Variants in DNM2 observed in about 807,000 individuals in gnomAD.
DNM2 encodes dynamin-2.
Under a neutral mutation model 99.0 loss-of-function variants are expected in DNM2, and 15 were observed. That is an observed-to-expected ratio of 0.15 (90% CI 0.10 to 0.23). The LOEUF (loss-of-function observed/expected upper bound fraction) is 0.23. DNM2 is among the 10% of genes least tolerant of loss of function. DNM2 has a pLI of 1.00. For missense variants in DNM2, 742 were observed against 1,189.4 expected, an observed-to-expected ratio of 0.62 and a Z score of 5.53; for synonymous variants, 525 against 481.2, an observed-to-expected ratio of 1.09 and a Z score of -1.19.
In DNM2 at chr19:10,793,856, G is replaced by T; in HGVS notation, c.1128+1G>T. On this transcript the variant is annotated splice_donor_variant, in intron 8 of 20. Coordinates refer to ENST00000389253, the MANE Select transcript of DNM2 (RefSeq NM_001005361.3). LOFTEE classifies it high-confidence loss of function. ...GCGGTTCCCATTTGAGCTGGTGAAG[G>T]TAGTGCCCCCCGGGGCTGGGCCCTC... 1 of 1,614,124 alleles carries T rather than the reference G, an allele frequency of 6.2e-7. No homozygotes were observed. Among genetic ancestry groups the T allele is most frequent in the Non-Finnish European group, 8.5e-7 (1 of 1,180,016 alleles).
Position 10,745,060 on chromosome 19 carries a change from A to G in DNM2, c.162-14678A>G, listed in dbSNP as rs182027124. ...GCCTGACATTCAAATCACGTTGGAG[A>G]CTATAAAACAGCAAGTTTTTCATTT... On this transcript the variant is annotated intron_variant, in intron 1 of 20. Transcript: ENST00000389253. 1.9e-3 allele frequency among the ~76,000 whole-genome samples: 293 copies of G among 152,274 alleles called. 3 individuals carry two copies. Among genetic ancestry groups the G allele is most frequent in the African/African-American group, 6.6e-3 (276 of 41,568 alleles).
chr19:10,805,535 T>C (rs532521222), intron 12 of DNM2, among the ~76,000 whole-genome samples: 1 of 152,302 alleles, frequency 6.6e-6, no homozygotes, highest in African/African-American at 2.4e-5. Context: ...CTCGGGAGAC[T>C]GAGGCAGGGG....
intron 5 of DNM2, among the ~76,000 whole-genome samples, chr19:10,781,979 C>G (rs1341303971): frequency 6.6e-6 from 1 of 152,074 alleles, no homozygotes; most frequent in Non-Finnish European, 1.5e-5. Context: ...TTAAAATATA[C>G]TCGTTTGATA....
At chr19:10,824,175 G>C (rs1037831047) in intron 17 of DNM2, 2 of 470,412 alleles carry the variant, frequency 4.3e-6, no homozygotes, top group African/African-American at 3.9e-5. Context: ...TCCTGAGGTA[G>C]AGTGAACATG....
At position 10,797,399 on chromosome 19, in the gene DNM2, G is replaced by A; in HGVS notation, c.1216G>A (p.Asp406Asn). 9 of 1,613,092 alleles carry A rather than the reference G, an allele frequency of 5.6e-6. No homozygotes were observed. Among genetic ancestry groups the A allele is most frequent in the Non-Finnish European group, 7.6e-6 (9 of 1,180,008 alleles). ...HGVRTGLFTP[D>N]MAFEAIVKKQ... is the part of the protein sequence containing the mutation. ...ACCCAGGACGGGGCTCTTCACCCCCGACATGGCCTTTGAAGCCATTGTGAA... is the reference window on the plus strand; with the variant it reads ...ACCCAGGACGGGGCTCTTCACCCCCAACATGGCCTTTGAAGCCATTGTGAA... The change falls in exon 10 of 21, where the codon GAC becomes AAC. Residue 406 changes from aspartate to asparagine, a missense_variant. By Grantham distance (23) the Asp-to-Asn change is conservative. Coordinates refer to ENST00000389253, the MANE Select transcript of DNM2 (RefSeq NM_001005361.3).
intron 1 of DNM2, among the ~76,000 whole-genome samples, chr19:10,749,695 C>T (rs2070126697): frequency 6.6e-6 from 1 of 152,250 alleles, no homozygotes; most frequent in Non-Finnish European, 1.5e-5. Context: ...TCAACAAATA[C>T]TTAATGAGCA....
intron 18 of DNM2, 160 bp from the exon 19 acceptor site, chr19:10,828,876 A>G (rs2073237960): frequency 2.9e-5 from 21 of 717,654 alleles, no homozygotes; most frequent in African/African-American, 5.3e-5. Flanking sequence ...AGTGAGCTGA[A>G]ATTGAGCCAC....
chr19:10,724,183 A>G lies in DNM2; in HGVS notation c.161+5780A>G, dbSNP rs529798067. ...GAGGGGGTACATTTTATTTTATTATATTATTATTCTTTGAGACGGAGTCTC... is the reference window on the plus strand; with the variant it reads ...GAGGGGGTACATTTTATTTTATTATGTTATTATTCTTTGAGACGGAGTCTC... On this transcript the variant is annotated intron_variant, in intron 1 of 20. Transcript: ENST00000389253. Among the ~76,000 whole-genome samples, 4 of 151,944 alleles carry G rather than the reference A, an allele frequency of 2.6e-5. No homozygotes were observed. The East Asian group carries it at 7.7e-4, about 29-fold the overall frequency.
intron 2 of DNM2, among the ~76,000 whole-genome samples, chr19:10,766,274 G>A (rs1371920824): frequency 2.0e-5 from 3 of 152,196 alleles, no homozygotes; most frequent in African/African-American, 7.2e-5. Flanking sequence ...TGAAGATAGG[G>A]AGGGCCATTC....
chr19:10,822,095 G>C (rs1017940552), intron 16 of DNM2, among the ~76,000 whole-genome samples: 6 of 152,160 alleles, frequency 3.9e-5, no homozygotes, highest in African/African-American at 1.4e-4. Context: ...CACGGGGCCT[G>C]GCCTGTAGAC....
At chr19:10,770,919 A>G (rs150414182) in intron 2 of DNM2, among the ~76,000 whole-genome samples, 131 of 152,302 alleles carry the variant, frequency 8.6e-4, no homozygotes, top group African/African-American at 3.0e-3. Context: ...CAGCCTCCCA[A>G]GTAGCTGGAA....
In DNM2 at chr19:10,772,786, C is replaced by T. The variant is rs1197801041; in HGVS notation, c.385+158C>T. Among the ~76,000 whole-genome samples, 2 of 152,184 alleles carry T rather than the reference C, an allele frequency of 1.3e-5. No individual in the cohort carries two copies. The highest frequency in any genetic ancestry group is 2.9e-5 in the Non-Finnish European group (2 of 68,036). ...TAGCCCCTTGATCTGTATCTTCCCA[C>T]TTGTGCTAGGTATGTAGTACCCAGA... On this transcript the variant is annotated intron_variant, in intron 3 of 20. Transcript: ENST00000389253. This position sits in a 1 kb window ranked among gnomAD's most constrained non-coding sequence, Gnocchi z 4.9.
In DNM2 at chr19:10,795,560, G is replaced by C; in HGVS notation, c.1196+121G>C. The C allele has an allele frequency of 1.7e-6, 2 of 1,173,588 alleles. No individual in the cohort carries two copies. The highest frequency in any genetic ancestry group is 2.5e-5 in the South Asian group (2 of 80,642). The allele number at this position is 1,173,588 out of a possible 1,614,324, so 72.7% of individuals were successfully genotyped here. On this transcript the variant is annotated intron_variant, in intron 9 of 20. Coordinates refer to ENST00000389253, the MANE Select transcript of DNM2 (RefSeq NM_001005361.3). The surrounding 1 kb of genome is among the most constrained non-coding windows in gnomAD (Gnocchi z 4.2). ...TAGGCCTTAAGAGGGCTCTTGGATG[G>C]TTTTCTGTAGCTGCGAGCCCCTCCC...
In DNM2 at chr19:10,831,255, A is replaced by C; in HGVS notation, c.*208A>C. Reference sequence around the variant, plus strand: ...GCAAAGGGGCCCTGGAGCTCCAGGCAGGGGGCGCTGGGGTGTTGCACTTTG... The same window carrying C: ...GCAAAGGGGCCCTGGAGCTCCAGGCCGGGGGCGCTGGGGTGTTGCACTTTG... On this transcript the variant is annotated 3_prime_UTR_variant, in exon 21 of 21. Coordinates refer to ENST00000389253, the MANE Select transcript of DNM2 (RefSeq NM_001005361.3). This position sits in a 1 kb window ranked among gnomAD's most constrained non-coding sequence, Gnocchi z 4.3. The C allele has an allele frequency of 7.6e-7, 1 of 1,323,738 alleles. No homozygotes were observed. The highest frequency in any genetic ancestry group is 9.6e-7 in the Non-Finnish European group (1 of 1,040,624). The allele number at this position is 1,323,738 out of a possible 1,614,324, so 82.0% of individuals were successfully genotyped here.
At chr19:10,733,925 T>C (rs1179716226) in intron 1 of DNM2, among the ~76,000 whole-genome samples, 1 of 151,756 alleles carries the variant, frequency 6.6e-6, no homozygotes, top group Non-Finnish European at 1.5e-5. Context: ...GGAGAATTGC[T>C]TAAACCTGGG....
Position 10,830,170 on chromosome 19 carries a change from G to A in DNM2, c.2335G>A (p.Gly779Ser). 1.2e-6 allele frequency: 2 copies of A among 1,613,732 alleles called. No individual in the cohort carries two copies. Among genetic ancestry groups the A allele is most frequent in the Middle Eastern group, 1.7e-4 (1 of 6,058 alleles). Residue 779 changes from glycine (G) to serine (S), a missense_variant, in exon 20 of 21, where the codon GGC (glycine) becomes AGC (serine). This residue lies in a region of DNM2 where 187 missense variants were observed against 218.8 expected (regional missense o/e 0.85). Transcript: ENST00000389253. The surrounding 1 kb of genome is among the most constrained non-coding windows in gnomAD (Gnocchi z 4.8). The stretch of plus-strand genomic sequence containing the variant: ...ACCGGTGTCCAGCATACACCCCCCT[G>A]GCCGGCCCCCAGCAGTGAGGGGCCC... Reference protein sequence around the residue: ...RRPVSSIHPPGRPPAVRGPTP... With the variant: ...RRPVSSIHPPSRPPAVRGPTP...
intron 1 of DNM2, among the ~76,000 whole-genome samples, chr19:10,729,901 C>T (rs984840999): frequency 6.6e-6 from 1 of 151,260 alleles, no homozygotes; most frequent in Non-Finnish European, 1.5e-5. Context: ...CTCACTCTGT[C>T]ACCCAGGCTG....
intron 1 of DNM2, among the ~76,000 whole-genome samples, chr19:10,726,230 ATT>A (rs5827110): frequency 3.3e-4 from 47 of 143,568 alleles, no homozygotes; most frequent in Non-Finnish European, 5.1e-4. Context: ...AAAAAAAAAA[ATT>A]TTTTTTTTTT....
At chr19:10,763,829 A>G (rs2070712566) in intron 2 of DNM2, among the ~76,000 whole-genome samples, 3 of 152,146 alleles carry the variant, frequency 2.0e-5, no homozygotes, top group Admixed American at 6.5e-5. Flanking sequence ...TGCCATGTTC[A>G]GGAGGGACAG....
Sources: allele counts gnomAD v4.1 joint callset (sites outside exome capture counted in the v4.1 genomes callset), GRCh38; gene constraint gnomAD v4.1.1; regional missense constraint gnomAD v4.1.1; non-coding constraint Gnocchi (gnomAD v3.1); transcripts MANE v1.5; gene names NCBI Gene and HGNC (gene_info 2026-07-23, HGNC 2026-07-21).